Variants in ANK2 observed in about 807,000 individuals in gnomAD.
ANK2 encodes the protein ankyrin 2.
Under a neutral mutation model 360.5 loss-of-function variants are expected in ANK2, and 83 were observed. The ratio of observed to expected loss-of-function variants is 0.23; its 90% CI spans 0.19 to 0.28. The LOEUF is 0.28. Ranked by LOEUF, ANK2 falls within the 10% of genes least tolerant of loss-of-function variation. The pLI, the probability that ANK2 is intolerant of heterozygous loss-of-function variation, is 1.00. For missense variants in ANK2, 4,201 were observed against 4,795.7 expected (o/e 0.88, Z 3.66); for synonymous variants, 1,740 against 1,759.5 (o/e 0.99, Z 0.28).
intron 1 of ANK2, among the ~76,000 whole-genome samples, chr4:112,820,766 GTC>G (rs1273288414): frequency 2.6e-5 from 4 of 151,874 alleles, no homozygotes; most frequent in African/African-American, 9.7e-5. Context: ...TCGAGATAGG[GTC>G]TCTCTCTGTT....
chr4:112,892,511 G>A (rs1465499809), intron 1 of ANK2, among the ~76,000 whole-genome samples: 1 of 152,102 alleles, frequency 6.6e-6, no homozygotes, highest in Non-Finnish European at 1.5e-5. Context: ...TAATTATTAA[G>A]GATCGTAACA....
the ANK2 span, among the ~76,000 whole-genome samples, chr4:112,762,669 C>A: frequency 6.6e-6 from 1 of 152,128 alleles, no homozygotes; most frequent in East Asian, 1.9e-4. Flanking sequence ...GCCACCATGC[C>A]CGGCTAATTT....
chr4:112,891,308 A>T (rs1401746719), intron 1 of ANK2, among the ~76,000 whole-genome samples: 1 of 152,238 alleles, frequency 6.6e-6, no homozygotes, highest in Non-Finnish European at 1.5e-5. Context: ...TCTGCTTACA[A>T]TAAAATCTAC....
intron 4 of ANK2, among the ~76,000 whole-genome samples, chr4:113,212,622 A>G (rs999412845): frequency 2.6e-5 from 4 of 152,144 alleles, no homozygotes; most frequent in African/African-American, 9.7e-5. Flanking sequence ...TCTGCTTTCT[A>G]CTCATGTAAC....
chr4:113,217,039 C>T (rs912977298), intron 4 of ANK2: 1 of 152,084 alleles, frequency 6.6e-6, no homozygotes, highest in Admixed American at 6.5e-5. Flanking sequence ...GAGCTTATTC[C>T]TCTGATGAAA....
intron 2 of ANK2, among the ~76,000 whole-genome samples, chr4:112,977,624 T>C (rs2041876341): frequency 7.2e-6 from 1 of 139,420 alleles, no homozygotes; most frequent in Non-Finnish European, 1.5e-5. Flanking sequence ...TGCAGGTTTG[T>C]TACATAGGTA....
At chr4:112,847,846 A>G (rs2063690608) in intron 1 of ANK2, among the ~76,000 whole-genome samples, 1 of 152,216 alleles carries the variant, frequency 6.6e-6, no homozygotes, top group South Asian at 2.1e-4. Context: ...TTCACAGTCT[A>G]GTTCTAGCTG....
chr4:112,929,981 C>G (rs895093135), intron 2 of ANK2, among the ~76,000 whole-genome samples: 1 of 152,128 alleles, frequency 6.6e-6, no homozygotes, highest in Admixed American at 6.5e-5. Context: ...AGTACAGTCT[C>G]TTTGAGTGAT....
rs370699621 is a variant in ANK2, at chr4:113,365,125, C to T, written c.10975C>T (p.Arg3659Cys). The T allele has an allele frequency of 2.2e-5, 35 of 1,613,864 alleles. No homozygotes were observed. The African/African-American group carries it at 3.2e-4, about 15-fold the overall frequency. ...METNTEPLQE[R>C]ISHSYAEIEQ... is the part of the protein sequence containing the mutation. ...GACCAACACAGAACCTCTCCAGGAG[C>T]GCATCAGTCATAGTTATGCAGAAAT... Residue 3659 changes from arginine (R) to cysteine (C), a missense_variant, in exon 41 of 46, where the codon CGC (arginine) becomes TGC (cysteine). By Grantham distance (180) the Arg-to-Cys change is radical. Transcript: ENST00000357077.
the ANK2 span, among the ~76,000 whole-genome samples, chr4:112,734,786 A>G: frequency 6.6e-6 from 1 of 152,174 alleles, no homozygotes; most frequent in East Asian, 1.9e-4. Flanking sequence ...CCCAAAAATA[A>G]CCACCATTTT....
At chr4:112,732,385 G>T in the ANK2 span, among the ~76,000 whole-genome samples, 1 of 150,804 alleles carries the variant, frequency 6.6e-6, no homozygotes, top group Admixed American at 6.7e-5. Context: ...AGTAGCTACA[G>T]GCACTACATT....
Position 113,255,749 on chromosome 4 carries a change from A to C in ANK2, c.1005A>C (p.Pro335=). The change falls in exon 11 of 46, where the codon CCA becomes CCC. Residue 335 remains proline (P), a synonymous_variant. Transcript: ENST00000357077. ...LLARTKNGLS[P]LHMAAQGDHV... ...TTAATGTGCAGAATGGGCTGTCTCC[A>C]CTACACATGGCTGCCCAGGGAGACC... 1 of 1,614,080 alleles carries C rather than the reference A, an allele frequency of 6.2e-7. No homozygotes were observed. Among genetic ancestry groups the C allele is most frequent in the African/African-American group, 1.3e-5 (1 of 75,014 alleles).
chr4:112,791,479 CTTTTTTTTT>C, the ANK2 span, among the ~76,000 whole-genome samples: 65 of 93,892 alleles, frequency 6.9e-4, 1 homozygote, highest in Admixed American at 6.0e-3. Context: ...TCTTCTTCTT[CTTTTTTTTT>C]TTTTTTTTTT....
rs375879045 is a variant in ANK2, at chr4:113,302,474, A to G, written c.2476-293A>G. Among the ~76,000 whole-genome samples the G allele has an allele frequency of 1.6e-4, 25 of 152,350 alleles. No homozygotes were observed. In the East Asian group the frequency reaches 3.5e-3, roughly 21 times the overall value. On this transcript the variant is annotated intron_variant, in intron 22 of 45. Transcript: ENST00000357077. ...GAAAACATCAATCTGCTTTCTCAATACAACTAATTATTATTAATAATACCA... is the reference window on the plus strand; with the variant it reads ...GAAAACATCAATCTGCTTTCTCAATGCAACTAATTATTATTAATAATACCA...
chr4:112,890,311 G>T (rs1166566735), intron 1 of ANK2, among the ~76,000 whole-genome samples: 1 of 152,196 alleles, frequency 6.6e-6, no homozygotes, highest in Non-Finnish European at 1.5e-5. Flanking sequence ...TTGAAACTTG[G>T]CTCCTCAGTC....
intron 2 of ANK2, among the ~76,000 whole-genome samples, chr4:112,914,021 GT>G (rs199823203): frequency 2.0e-5 from 3 of 152,002 alleles, no homozygotes; most frequent in East Asian, 1.9e-4. Context: ...CTTTGAGATA[GT>G]TTTTTTGGGG....
chr4:113,072,658 A>T (rs1411168804), intron 1 of ANK2, among the ~76,000 whole-genome samples: 1 of 151,842 alleles, frequency 6.6e-6, no homozygotes, highest in Non-Finnish European at 1.5e-5. Flanking sequence ...GCAATGCATT[A>T]TGCAATACTC....
intron 1 of ANK2, among the ~76,000 whole-genome samples, chr4:113,140,930 G>T (rs1253260761): frequency 4.0e-5 from 6 of 151,706 alleles, no homozygotes; most frequent in South Asian, 2.1e-4. Context: ...ATGAGCCAAG[G>T]TTGCGCCATT....
intron 2 of ANK2, among the ~76,000 whole-genome samples, chr4:112,988,067 G>A (rs1003151542): frequency 2.0e-5 from 3 of 152,160 alleles, no homozygotes; most frequent in Admixed American, 6.5e-5. Flanking sequence ...CTCAGTGTCC[G>A]GGTGACAAGG....
Sources: allele counts gnomAD v4.1 joint callset (sites outside exome capture counted in the v4.1 genomes callset), GRCh38; gene constraint gnomAD v4.1.1; transcripts MANE v1.5; gene names NCBI Gene and HGNC (gene_info 2026-07-23, HGNC 2026-07-21).